The following COL14A1 variants were observed in gnomAD, a reference collection of about 807,000 sequenced individuals.
The protein encoded by COL14A1 is collagen alpha-1(XIV) chain.
A neutral mutation model predicts 230.3 loss-of-function variants in COL14A1; 136 were observed. The ratio of observed to expected loss-of-function variants is 0.59; its 90% CI spans 0.51 to 0.68. COL14A1 has a LOEUF of 0.68. Ranked by LOEUF, COL14A1 falls within the 30% of genes least tolerant of loss-of-function variation. The probability of loss-of-function intolerance (pLI) is 0.00; values close to 1 mark genes in which losing one functional copy is unlikely to be tolerated. For synonymous variants in COL14A1, 792 were observed against 784.1 expected, an observed-to-expected ratio of 1.01 and a Z score of -0.17; for missense variants, 1,976 against 2,215.8, an observed-to-expected ratio of 0.89 and a Z score of 2.17.
intron 1 of COL14A1, 142 bp from the exon 2 acceptor site, chr8:120,147,664 T>C (rs904017850): frequency 1.0e-5 from 5 of 494,354 alleles, no homozygotes; most frequent in African/African-American, 2.0e-5. Flanking sequence ...GTTTGTATTT[T>C]AGAGTGAAAT....
intron 26 of COL14A1, among the ~76,000 whole-genome samples, chr8:120,276,399 T>C (rs962160816): frequency 1.0e-4 from 15 of 148,538 alleles, no homozygotes; most frequent in African/African-American, 3.7e-4. Context: ...AAAAACTACA[T>C]ACTAGATAGA....
At chr8:120,152,921 A>C (rs1238165067) in intron 2 of COL14A1, among the ~76,000 whole-genome samples, 1 of 152,180 alleles carries the variant, frequency 6.6e-6, no homozygotes, top group African/African-American at 2.4e-5. Flanking sequence ...CTTTATAAAG[A>C]CCTCTGTGTT....
At chr8:120,211,782 A>G (rs1817622292) in intron 12 of COL14A1, among the ~76,000 whole-genome samples, 1 of 152,198 alleles carries the variant, frequency 6.6e-6, no homozygotes, top group African/African-American at 2.4e-5. Flanking sequence ...TTTTCCTTCC[A>G]AAACATAAAA....
At chr8:120,274,506 G>A (rs1028088058) in intron 26 of COL14A1, among the ~76,000 whole-genome samples, 1 of 151,708 alleles carries the variant, frequency 6.6e-6, no homozygotes, top group African/African-American at 2.4e-5. Context: ...ATAATAAAGG[G>A]CATCCAAACT....
At chr8:120,289,241 C>T (rs1820297064) in intron 33 of COL14A1, among the ~76,000 whole-genome samples, 1 of 152,042 alleles carries the variant, frequency 6.6e-6, no homozygotes, top group Admixed American at 6.6e-5. Flanking sequence ...GATACATCAA[C>T]AAAGATTTTT....
intron 40 of COL14A1, among the ~76,000 whole-genome samples, chr8:120,325,570 ACAACCTC>A (rs1462121790): frequency 2.0e-5 from 3 of 152,074 alleles, no homozygotes; most frequent in African/African-American, 4.8e-5. Flanking sequence ...TTGGCTCACT[ACAACCTC>A]CACCTCCTGG....
At chr8:120,174,717 T>TAAC (rs1816218100) in intron 5 of COL14A1, among the ~76,000 whole-genome samples, 2 of 152,180 alleles carry the variant, frequency 1.3e-5, no homozygotes, top group Non-Finnish European at 1.5e-5. Flanking sequence ...ATAGGTGTCT[T>TAAC]CCTCTTTCAG....
intron 45 of COL14A1, among the ~76,000 whole-genome samples, chr8:120,348,669 C>T (rs1271419897): frequency 6.6e-6 from 1 of 152,048 alleles, no homozygotes; most frequent in Non-Finnish European, 1.5e-5. Flanking sequence ...TCCCCAATAA[C>T]CTATGGAAAA....
intron 19 of COL14A1, among the ~76,000 whole-genome samples, chr8:120,239,093 A>T (rs918371645): frequency 6.6e-6 from 1 of 152,158 alleles, no homozygotes; most frequent in South Asian, 2.1e-4. Context: ...TACACTCTTA[A>T]TTGTGGCCTG....
intron 44 of COL14A1, among the ~76,000 whole-genome samples, chr8:120,343,053 C>T (rs886800940): frequency 4.6e-5 from 7 of 152,132 alleles, no homozygotes; most frequent in East Asian, 1.9e-4. Context: ...CTTGATATGA[C>T]GCCTGTCCCA....
chr8:120,170,011 AT>A (rs1412411796), intron 5 of COL14A1, among the ~76,000 whole-genome samples: 2 of 152,010 alleles, frequency 1.3e-5, no homozygotes, highest in Non-Finnish European at 2.9e-5. Context: ...TTTACTTCAT[AT>A]ATATTTGCCA....
intron 2 of COL14A1, among the ~76,000 whole-genome samples, chr8:120,148,165 G>C (rs1056583963): frequency 7.9e-5 from 4 of 50,572 alleles, no homozygotes; most frequent in Non-Finnish European, 1.5e-4. Flanking sequence ...TTTTTTTTTT[G>C]AGTCAGAGTC....
At chr8:120,300,654 A>G (rs1165508828) in intron 35 of COL14A1, 78 bp from the exon 36 acceptor site, 1 of 1,042,280 alleles carries the variant, frequency 9.6e-7, no homozygotes, top group Non-Finnish European at 1.5e-6. Context: ...TCTTAAATCA[A>G]ACTGTTTTCT....
chr8:120,133,099 C>T (rs1338974794), intron 1 of COL14A1, among the ~76,000 whole-genome samples: 3 of 151,864 alleles, frequency 2.0e-5, no homozygotes, highest in Non-Finnish European at 4.4e-5. Context: ...GCCTGTAGTC[C>T]CAGCTACACA....
intron 6 of COL14A1, among the ~76,000 whole-genome samples, chr8:120,197,339 C>A (rs1216125983): frequency 2.0e-5 from 3 of 151,540 alleles, no homozygotes; most frequent in African/African-American, 7.3e-5. Context: ...TAATTCTAGC[C>A]CAGATAAGAA....
In COL14A1 at chr8:120,170,895, C is replaced by G. The variant is rs993554202; in HGVS notation, c.436+2648C>G. On this transcript the variant is annotated intron_variant, in intron 5 of 47. Transcript: ENST00000297848. ...TTTCACTCTCTTTGTGTCTCAAGTT[C>G]AAGGTGAGTAATTTGTAAAGAAGAT... Among the ~76,000 whole-genome samples the G allele has an allele frequency of 7.3e-5, 11 of 151,370 alleles. No individual in the cohort carries two copies. In the South Asian group the frequency reaches 2.3e-3, roughly 32 times the overall value.
At chr8:120,301,755 T>C (rs1820717186) in intron 36 of COL14A1, among the ~76,000 whole-genome samples, 1 of 152,180 alleles carries the variant, frequency 6.6e-6, no homozygotes, top group African/African-American at 2.4e-5. Flanking sequence ...GTTGTTCTGT[T>C]TGTAGCTCTT....
chr8:120,279,932 C>A lies in COL14A1; in HGVS notation c.3482-3C>A. ...TCGGAAATCTGTTCTCTGTCTGCCA[C>A]AGGCTATAGCATTTTTGCAATTGGT... On this transcript the variant is annotated splice_region_variant and splice_polypyrimidine_tract_variant and intron_variant, in intron 28 of 47. Coordinates refer to ENST00000297848, the MANE Select transcript of COL14A1 (RefSeq NM_021110.4). 6.2e-7 allele frequency: 1 copy of A among 1,612,708 alleles called. No individual in the cohort carries two copies.
intron 36 of COL14A1, among the ~76,000 whole-genome samples, chr8:120,308,043 ATG>A (rs1406214477): frequency 5.9e-5 from 9 of 152,174 alleles, no homozygotes; most frequent in African/African-American, 2.2e-4. Flanking sequence ...GTGCAGTGGC[ATG>A]ATCTCGGCTC....
Sources: allele counts gnomAD v4.1 joint callset (sites outside exome capture counted in the v4.1 genomes callset), GRCh38; gene constraint gnomAD v4.1.1; transcripts MANE v1.5; gene names NCBI Gene and HGNC (gene_info 2026-07-23, HGNC 2026-07-21).